The following ANKS1A variants were observed in gnomAD, a reference collection of about 807,000 sequenced individuals.
ANKS1A encodes ankyrin repeat and sterile alpha motif domain containing 1A.
In ANKS1A, 55 loss-of-function variants were observed where a neutral mutation model predicts 120.3. That is an observed-to-expected ratio of 0.46 (90% confidence interval 0.37 to 0.57). The LOEUF (loss-of-function observed/expected upper bound fraction) is 0.57. Among genes scored for constraint, ANKS1A ranks in the 20% least tolerant of loss-of-function variants. The probability of loss-of-function intolerance (pLI) is 0.00; values close to 1 mark genes in which losing one functional copy is unlikely to be tolerated. For missense variants in ANKS1A, 1,123 were observed against 1,480.3 expected, an observed-to-expected ratio of 0.76 and a Z score of 3.96; for synonymous variants, 590 against 604.7, an observed-to-expected ratio of 0.98 and a Z score of 0.36.
In ANKS1A at chr6:34,956,357, G is replaced by GT. The variant is rs577813189; in HGVS notation, c.198-10874dup. On this transcript the variant is annotated intron_variant, in intron 1 of 23. Transcript: ENST00000360359. ...GAGTCATTTTTTTCTGTTTTTTTGG[G>GT]TTTTTTTTGTGTGTGCTCTGTCTTT... Among the ~76,000 whole-genome samples, 553 of 150,416 alleles carry GT rather than the reference G, an allele frequency of 3.7e-3. 6 individuals are homozygous for GT. Among genetic ancestry groups the GT allele is most frequent in the African/African-American group, 0.012 (479 of 41,010 alleles).
At chr6:34,936,061 CAA>C (rs34851777) in intron 1 of ANKS1A, among the ~76,000 whole-genome samples, 17 of 36,312 alleles carry the variant, frequency 4.7e-4, no homozygotes, top group South Asian at 8.7e-4. Context: ...GACTCCGTCT[CAA>C]AAAAAAAAAA....
intron 10 of ANKS1A, among the ~76,000 whole-genome samples, chr6:35,011,206 A>G (rs938626680): frequency 2.6e-5 from 4 of 152,244 alleles, no homozygotes; most frequent in African/African-American, 7.2e-5. Context: ...GTGAATTGGT[A>G]GAGGACTCAA....
downstream of ANKS1A, among the ~76,000 whole-genome samples, chr6:35,091,579 G>C (rs968871445): frequency 2.6e-5 from 4 of 152,242 alleles, no homozygotes; most frequent in African/African-American, 9.6e-5. Flanking sequence ...CTAACAAACA[G>C]TTAGTTACAG....
chr6:34,944,367 T>C (rs1231544943), intron 1 of ANKS1A, among the ~76,000 whole-genome samples: 1 of 152,208 alleles, frequency 6.6e-6, no homozygotes, highest in Non-Finnish European at 1.5e-5. Context: ...CATTTGGTGT[T>C]ATGTTTTGGA....
chr6:35,009,454 G>A (rs1359591998), intron 10 of ANKS1A, among the ~76,000 whole-genome samples: 6 of 152,068 alleles, frequency 3.9e-5, no homozygotes, highest in Admixed American at 3.3e-4. Flanking sequence ...TATTAAATCC[G>A]GTTTCAAATG....
chr6:34,911,349 A>G (rs1432378858), intron 1 of ANKS1A, among the ~76,000 whole-genome samples: 1 of 152,208 alleles, frequency 6.6e-6, no homozygotes, highest in African/African-American at 2.4e-5. Context: ...GTGAAATGGA[A>G]TATAGTTTAG....
At chr6:34,912,831 G>A (rs750544316) in intron 1 of ANKS1A, among the ~76,000 whole-genome samples, 1 of 152,146 alleles carries the variant, frequency 6.6e-6, no homozygotes, top group Non-Finnish European at 1.5e-5. Flanking sequence ...TTGTGTATTT[G>A]TGTGGCATGC....
intron 10 of ANKS1A, among the ~76,000 whole-genome samples, chr6:34,994,792 G>A (rs1772763662): frequency 6.6e-6 from 1 of 152,174 alleles, no homozygotes. Context: ...TTTGGGTTCA[G>A]GCTGACGGCA....
intron 1 of ANKS1A, among the ~76,000 whole-genome samples, chr6:34,931,574 G>A (rs1305129874): frequency 2.6e-5 from 4 of 152,120 alleles, no homozygotes; most frequent in African/African-American, 4.8e-5. Flanking sequence ...TCTACAAATG[G>A]CATTACTTCA....
chr6:34,890,890 A>T (rs1766785408), intron 1 of ANKS1A, among the ~76,000 whole-genome samples: 1 of 152,256 alleles, frequency 6.6e-6, no homozygotes. Context: ...CTAAGGCGCT[A>T]ATAAATTGTT....
At chr6:34,957,749 A>C (rs1228424523) in intron 1 of ANKS1A, among the ~76,000 whole-genome samples, 1 of 152,152 alleles carries the variant, frequency 6.6e-6, no homozygotes, top group Non-Finnish European at 1.5e-5. Context: ...GCAGGAGGAG[A>C]CCCACAGAGA....
rs869190207 is a variant in ANKS1A at position 34,996,476 on chromosome 6, CT to C, written c.1423+2069del. ...TTAAAAAATGGATAAGGTCACCAATCTTTTTTTTTTTTTTTAAGACGGAGTC... is the reference window on the plus strand; with the variant it reads ...TTAAAAAATGGATAAGGTCACCAATCTTTTTTTTTTTTTTAAGACGGAGTC... On this transcript the variant is annotated intron_variant, in intron 10 of 23. Transcript: ENST00000360359. 2.7e-3 allele frequency among the ~76,000 whole-genome samples: 387 copies of C among 141,152 alleles called. 1 individual carries two copies. The highest frequency in any genetic ancestry group is 3.8e-3 in the Middle Eastern group (1 of 266). 92.6% of individuals were successfully genotyped at this position (141,152 alleles called of 152,430 possible). A position where few individuals can be genotyped will look rare whatever the true frequency, so the allele number is the denominator to read the frequency against.
intron 11 of ANKS1A, chr6:35,038,322 G>A (rs902159427): frequency 1.3e-5 from 6 of 456,530 alleles, no homozygotes; most frequent in African/African-American, 6.0e-5. Flanking sequence ...CTGGAACTTT[G>A]CATTCTTACT....
intron 1 of ANKS1A, among the ~76,000 whole-genome samples, chr6:34,893,966 T>G (rs1347895937): frequency 2.6e-5 from 4 of 152,214 alleles, no homozygotes; most frequent in Admixed American, 2.6e-4. Flanking sequence ...GGTTTAAATA[T>G]AATTTTTTTA....
At chr6:34,908,062 A>C (rs1767726941) in intron 1 of ANKS1A, among the ~76,000 whole-genome samples, 1 of 152,196 alleles carries the variant, frequency 6.6e-6, no homozygotes, top group African/African-American at 2.4e-5. Context: ...GAATGTAGTA[A>C]TGACGGCTGC....
intron 1 of ANKS1A, among the ~76,000 whole-genome samples, chr6:34,899,978 T>G (rs553410968): frequency 6.6e-6 from 1 of 152,370 alleles, no homozygotes; most frequent in Admixed American, 6.5e-5. Flanking sequence ...CTGACAGTAT[T>G]GTGGGTGAGT....
chr6:35,089,221 G>T lies in ANKS1A; in HGVS notation c.*612G>T, dbSNP rs903133119. 2 of 992,456 alleles carry T rather than the reference G, an allele frequency of 2.0e-6. No homozygotes were observed. Among genetic ancestry groups the T allele is most frequent in the Non-Finnish European group, 2.4e-6 (2 of 833,508 alleles). 61.5% of individuals were successfully genotyped at this position (992,456 alleles called of 1,614,324 possible). A position where few individuals can be genotyped will look rare whatever the true frequency, so the allele number is the denominator to read the frequency against. ...TTCAGGGGCTAGACACAGGCTTCTC[G>T]TAAGAACACAGCCTTAGAGGCACCT... On this transcript the variant is annotated 3_prime_UTR_variant, in exon 24 of 24. Transcript: ENST00000360359.
intron 1 of ANKS1A, among the ~76,000 whole-genome samples, chr6:34,890,851 C>T (rs1766783239): frequency 6.6e-6 from 1 of 152,134 alleles, no homozygotes; most frequent in South Asian, 2.1e-4. Flanking sequence ...TATGTAACTT[C>T]AGTTTGAGTG....
chr6:34,950,887 GGA>G lies in ANKS1A; in HGVS notation c.198-16350_198-16349del, dbSNP rs1454490171. Among the ~76,000 whole-genome samples the G allele has an allele frequency of 3.9e-5, 6 of 152,204 alleles. No homozygotes were observed. The East Asian group carries it at 1.2e-3, about 29-fold the overall frequency. ...TGAAAGATAGAAGGTGAGGTGGCATGGAGGCAAGGTCAGGCCCTAGAGGGCTT... is the reference window on the plus strand; with the variant it reads ...TGAAAGATAGAAGGTGAGGTGGCATGGGCAAGGTCAGGCCCTAGAGGGCTT... On this transcript the variant is annotated intron_variant, in intron 1 of 23. Coordinates refer to ENST00000360359, the MANE Select transcript of ANKS1A (RefSeq NM_015245.3).
Sources: allele counts gnomAD v4.1 joint callset (sites outside exome capture counted in the v4.1 genomes callset), GRCh38; gene constraint gnomAD v4.1.1; transcripts MANE v1.5; gene names NCBI Gene and HGNC (gene_info 2026-07-23, HGNC 2026-07-21).